The following CGNL1 variants were observed in gnomAD, a reference collection of about 807,000 sequenced individuals.
CGNL1 encodes cingulin like 1.
A neutral mutation model predicts 141.2 loss-of-function variants in CGNL1; 132 were observed. That is an observed-to-expected ratio of 0.93 (90% CI 0.81 to 1.08). CGNL1 has a LOEUF of 1.08. Among genes scored for constraint, CGNL1 ranks in the 50% least tolerant of loss-of-function variants. The probability of loss-of-function intolerance (pLI) is 0.00; values close to 1 mark genes in which losing one functional copy is unlikely to be tolerated. For missense variants in CGNL1, 1,870 were observed against 1,588.6 expected (o/e 1.18, Z -3.01); for synonymous variants, 690 against 622.1 (o/e 1.11, Z -1.63).
At chr15:57,519,288 G>A (rs1344786691) in intron 10 of CGNL1, among the ~76,000 whole-genome samples, 1 of 152,176 alleles carries the variant, frequency 6.6e-6, no homozygotes, top group Non-Finnish European at 1.5e-5. Context: ...TGTCTAAGAG[G>A]AAGGTTGTTA....
At chr15:57,457,121 T>C (rs2063389569) in intron 7 of CGNL1, among the ~76,000 whole-genome samples, 1 of 152,222 alleles carries the variant, frequency 6.6e-6, no homozygotes, top group East Asian at 1.9e-4. Flanking sequence ...AAACCTTTTA[T>C]TTATGCTTTC....
At chr15:57,544,237 A>T (rs1161818373) in intron 15 of CGNL1, among the ~76,000 whole-genome samples, 1 of 152,234 alleles carries the variant, frequency 6.6e-6, no homozygotes, top group Non-Finnish European at 1.5e-5. Context: ...CAAAGGTTTC[A>T]TTCAGGCTTA....
At chr15:57,487,722 T>A (rs1457898643) in intron 8 of CGNL1, among the ~76,000 whole-genome samples, 5 of 152,212 alleles carry the variant, frequency 3.3e-5, no homozygotes, top group African/African-American at 1.2e-4. Flanking sequence ...TACTGGTTTT[T>A]TACTTCTCTT....
chr15:57,421,953 G>A (rs1445653022), intron 1 of CGNL1, among the ~76,000 whole-genome samples: 4 of 151,986 alleles, frequency 2.6e-5, no homozygotes, highest in East Asian at 3.9e-4. Flanking sequence ...CTCCCCTTTC[G>A]TTATTCAGTG....
intron 8 of CGNL1, among the ~76,000 whole-genome samples, chr15:57,510,708 G>A (rs2030212147): frequency 6.6e-6 from 1 of 152,198 alleles, no homozygotes; most frequent in Admixed American, 6.5e-5. Context: ...TCCCTTGGAT[G>A]TCTCTCATCA....
intron 8 of CGNL1, among the ~76,000 whole-genome samples, chr15:57,471,742 A>G (rs1442238828): frequency 1.3e-5 from 2 of 152,220 alleles, no homozygotes; most frequent in Non-Finnish European, 2.9e-5. Context: ...TTTCGTGTTC[A>G]ATAGTCAGTG....
intron 14 of CGNL1, among the ~76,000 whole-genome samples, chr15:57,540,608 G>A (rs1355095208): frequency 6.6e-6 from 1 of 152,134 alleles, no homozygotes; most frequent in Non-Finnish European, 1.5e-5. Context: ...ATCTCATTTA[G>A]GTTTCAGCTT....
chr15:57,525,689 T>C (rs1337797382), intron 12 of CGNL1, among the ~76,000 whole-genome samples: 3 of 152,196 alleles, frequency 2.0e-5, no homozygotes, highest in African/African-American at 7.2e-5. Flanking sequence ...CAAACTTTAA[T>C]TTCTTTGATG....
At chr15:57,418,967 G>A (rs1160280812) in intron 1 of CGNL1, among the ~76,000 whole-genome samples, 6 of 150,696 alleles carry the variant, frequency 4.0e-5, no homozygotes, top group African/African-American at 1.2e-4. Context: ...TTGCTCTGTC[G>A]CTCAGGCTGG....
chr15:57,527,842 T>C (rs1478383100), intron 12 of CGNL1, among the ~76,000 whole-genome samples: 1 of 152,252 alleles, frequency 6.6e-6, no homozygotes, highest in Non-Finnish European at 1.5e-5. Flanking sequence ...TGTGTTCTTT[T>C]TCACTGAGTT....
intron 8 of CGNL1, among the ~76,000 whole-genome samples, chr15:57,490,278 A>C (rs775365361): frequency 3.9e-5 from 6 of 152,168 alleles, no homozygotes; most frequent in Non-Finnish European, 8.8e-5. Flanking sequence ...TCTCTCTGGC[A>C]TTAAAGTTCT....
intron 2 of CGNL1, among the ~76,000 whole-genome samples, 192 bp downstream of exon 2, chr15:57,439,793 G>A (rs1420056176): frequency 2.6e-5 from 4 of 152,082 alleles, no homozygotes; most frequent in Non-Finnish European, 5.9e-5. Flanking sequence ...TAGTTTTCTG[G>A]GTTCTTTGAA....
chr15:57,458,606 C>T lies in CGNL1; in HGVS notation c.2191-3074C>T, dbSNP rs181989157. The stretch of plus-strand genomic sequence containing the variant: ...TCTTATCATCCAAACAATTGAGAAA[C>T]GTGTGAGAGTAAAAGCAGGAAACAG... On this transcript the variant is annotated intron_variant, in intron 7 of 18. Transcript: ENST00000281282. Among the ~76,000 whole-genome samples the T allele has an allele frequency of 1.3e-3, 192 of 152,112 alleles. 2 individuals carry two copies. Among genetic ancestry groups the T allele is most frequent in the Non-Finnish European group, 2.5e-3 (169 of 67,992 alleles).
At chr15:57,415,619 C>G (rs1595679751) in intron 1 of CGNL1, among the ~76,000 whole-genome samples, 1 of 152,338 alleles carries the variant, frequency 6.6e-6, no homozygotes, top group East Asian at 1.9e-4. Flanking sequence ...TTCTACCCAC[C>G]CTCTTGCAGT....
In CGNL1 at chr15:57,453,731, G is replaced by C. The variant is rs373070756; in HGVS notation, c.2103G>C (p.Arg701Ser). 2 of 1,613,900 alleles carry C rather than the reference G, an allele frequency of 1.2e-6. No homozygotes were observed. Among genetic ancestry groups the C allele is most frequent in the Middle Eastern group, 1.7e-4 (1 of 6,058 alleles). Reference protein sequence around the residue: ...MEREQHQTEIRDLQDQLSEMH... With the variant: ...MEREQHQTEISDLQDQLSEMH... Reference sequence around the variant, plus strand: ...GGGAGCAGCATCAGACTGAGATCAGGGATCTCCAGGACCAGCTCTCAGAAA... The same window carrying C: ...GGGAGCAGCATCAGACTGAGATCAGCGATCTCCAGGACCAGCTCTCAGAAA... The change falls in exon 7 of 19, where the codon AGG becomes AGC. Residue 701 changes from arginine to serine, a missense_variant. Coordinates refer to ENST00000281282, the MANE Select transcript of CGNL1 (RefSeq NM_032866.5).
chr15:57,525,702 C>T (rs2031567040), intron 12 of CGNL1, among the ~76,000 whole-genome samples: 1 of 152,040 alleles, frequency 6.6e-6, no homozygotes, highest in Admixed American at 6.6e-5. Flanking sequence ...CTTTGATGAT[C>T]AAAGAAAAGT....
At chr15:57,453,406 T>A (rs1330352647) in intron 6 of CGNL1, among the ~76,000 whole-genome samples, 2 of 152,214 alleles carry the variant, frequency 1.3e-5, no homozygotes, top group African/African-American at 4.8e-5. Context: ...TCTAGTACCC[T>A]ACCATCTCCT....
chr15:57,412,499 A>T (rs2062800731), intron 1 of CGNL1, among the ~76,000 whole-genome samples: 1 of 152,186 alleles, frequency 6.6e-6, no homozygotes. Flanking sequence ...ATCTTTGATT[A>T]TCACATTTCC....
chr15:57,520,280 G>C (rs533427286), intron 10 of CGNL1, among the ~76,000 whole-genome samples: 1 of 152,336 alleles, frequency 6.6e-6, no homozygotes, highest in African/African-American at 2.4e-5. Flanking sequence ...CAGATAGTCA[G>C]CTCCTTTTGT....
Sources: gnomAD v4.1 joint callset for allele counts (sites outside exome capture counted in the v4.1 genomes callset) on GRCh38, gnomAD v4.1.1 for gene constraint, MANE v1.5 for transcripts, NCBI Gene and HGNC (gene_info 2026-07-23, HGNC 2026-07-21) for gene names.